EMCN: variants seen among roughly 807,000 people sequenced by gnomAD.
EMCN encodes MUC-14.
Under a neutral mutation model 38.4 loss-of-function variants are expected in EMCN, and 37 were observed. The observed-to-expected ratio is 0.96, with a 90% CI of 0.74 to 1.27. EMCN has a LOEUF of 1.27. Among genes scored for constraint, EMCN ranks in the 50% most tolerant of loss-of-function variants. The probability of loss-of-function intolerance (pLI) is 0.00; values close to 1 mark genes in which losing one functional copy is unlikely to be tolerated. For missense variants in EMCN, 318 were observed against 302.8 expected, an observed-to-expected ratio of 1.05 and a Z score of -0.37; for synonymous variants, 95 against 100.8, an observed-to-expected ratio of 0.94 and a Z score of 0.35.
At chr4:100,511,966 A>G (rs753462606) in intron 1 of EMCN, among the ~76,000 whole-genome samples, 66 of 152,326 alleles carry the variant, frequency 4.3e-4, no homozygotes, top group Non-Finnish European at 6.3e-4. Flanking sequence ...TAGAATGCTA[A>G]TGCTCCTGCA....
chr4:100,408,737 T>C (rs1196050744), intron 11 of EMCN, among the ~76,000 whole-genome samples: 1 of 151,972 alleles, frequency 6.6e-6, no homozygotes, highest in Non-Finnish European at 1.5e-5. Flanking sequence ...TTTTTCTCTC[T>C]CCCCAGCTTG....
chr4:100,491,805 G>A (rs1214132242), intron 1 of EMCN, among the ~76,000 whole-genome samples: 1 of 152,206 alleles, frequency 6.6e-6, no homozygotes, highest in Non-Finnish European at 1.5e-5. Flanking sequence ...AAAGGCAGTA[G>A]GCCAGCTATC....
intron 1 of EMCN, among the ~76,000 whole-genome samples, chr4:100,485,733 C>T (rs547201317): frequency 7.2e-5 from 11 of 152,090 alleles, no homozygotes; most frequent in South Asian, 4.1e-4. Context: ...CATATTAACA[C>T]GGTTGTACAC....
intron 5 of EMCN, among the ~76,000 whole-genome samples, chr4:100,440,812 C>T (rs71614658): frequency 0.091 from 13,835 of 151,884 alleles, 781 homozygotes; most frequent in South Asian, 0.14. Context: ...ATGATCTATC[C>T]GTTGTTAAAA....
intron 5 of EMCN, among the ~76,000 whole-genome samples, chr4:100,441,891 G>T (rs532005069): frequency 2.0e-5 from 3 of 151,972 alleles, no homozygotes; most frequent in African/African-American, 7.3e-5. Flanking sequence ...ACATTTAACC[G>T]TCATGCTAGA....
At chr4:100,420,018 T>C (rs1192109191) in intron 8 of EMCN, among the ~76,000 whole-genome samples, 1 of 152,112 alleles carries the variant, frequency 6.6e-6, no homozygotes, top group Admixed American at 6.6e-5. Context: ...AATAATTGCT[T>C]TTTACCTTCT....
Position 100,513,056 on chromosome 4 carries a change from C to T in EMCN, c.64+4795G>A, listed in dbSNP as rs1340871276. ...AAGCTTTGTGAAACCCTTAAATATT[C>T]ATTTTTTTCTTAGTTGTCTGGATAA... On this transcript the variant is annotated intron_variant, in intron 1 of 11. Transcript: ENST00000296420. Among the ~76,000 whole-genome samples the T allele has an allele frequency of 2.0e-5, 3 of 152,060 alleles. No homozygotes were observed. The East Asian group carries it at 5.8e-4, about 29-fold the overall frequency.
intron 11 of EMCN, among the ~76,000 whole-genome samples, chr4:100,405,217 C>A (rs1314656243): frequency 6.6e-6 from 1 of 152,032 alleles, no homozygotes; most frequent in Non-Finnish European, 1.5e-5. Flanking sequence ...TCTTCTCTTG[C>A]CTGACTGCTC....
intron 3 of EMCN, among the ~76,000 whole-genome samples, chr4:100,474,751 G>T (rs574980502): frequency 2.6e-5 from 4 of 152,232 alleles, no homozygotes; most frequent in East Asian, 3.9e-4. Flanking sequence ...AGACACAAAA[G>T]GTCATATATT....
At chr4:100,422,961 G>A in intron 7 of EMCN, 60 bp downstream of exon 7, 4 of 1,512,294 alleles carry the variant, frequency 2.6e-6, no homozygotes, top group South Asian at 2.3e-5. Context: ...CTCCTTTACT[G>A]GTCACATTCA....
intron 1 of EMCN, among the ~76,000 whole-genome samples, chr4:100,499,970 T>A (rs1274223616): frequency 6.6e-6 from 1 of 152,184 alleles, no homozygotes; most frequent in Non-Finnish European, 1.5e-5. Flanking sequence ...GAGCAATTGA[T>A]AATAGCTAAA....
intron 10 of EMCN, among the ~76,000 whole-genome samples, chr4:100,412,904 T>TG (rs3836626): frequency 0.33 from 50,792 of 151,954 alleles, 12,472 homozygotes; most frequent in East Asian, 0.77. Flanking sequence ...AAGAGGGATT[T>TG]GGGTCAAAGA....
intron 11 of EMCN, among the ~76,000 whole-genome samples, chr4:100,402,771 C>T (rs17030069): frequency 0.085 from 12,964 of 152,140 alleles, 975 homozygotes; most frequent in African/African-American, 0.2. Flanking sequence ...TAAGCTGGTT[C>T]GAAGATCAAC....
rs913057989 is a variant in EMCN at position 100,464,814 on chromosome 4, C to T, written c.376+609G>A. On this transcript the variant is annotated intron_variant, in intron 4 of 11. Transcript: ENST00000296420. ...ATCTATGTCTAAGAGCCATATTGGT[C>T]TATAGTTTTCTTTACTTGCTTTTTC... Among the ~76,000 whole-genome samples the T allele has an allele frequency of 4.6e-5, 7 of 151,902 alleles. 1 individual carries two copies. In the South Asian group the frequency reaches 1.2e-3, roughly 27 times the overall value.
chr4:100,424,027 T>A (rs969299695), intron 5 of EMCN, among the ~76,000 whole-genome samples: 1 of 152,118 alleles, frequency 6.6e-6, no homozygotes, highest in East Asian at 1.9e-4. Context: ...AAGGAAAATA[T>A]AAATTAAAAA....
intron 4 of EMCN, among the ~76,000 whole-genome samples, chr4:100,458,741 TCAAA>T (rs1487541769): frequency 6.6e-6 from 1 of 152,162 alleles, no homozygotes; most frequent in Non-Finnish European, 1.5e-5. Context: ...TGACCTTCAC[TCAAA>T]CAGTTTTCCT....
intron 5 of EMCN, among the ~76,000 whole-genome samples, chr4:100,439,490 C>T (rs570227041): frequency 1.1e-4 from 17 of 150,470 alleles, no homozygotes; most frequent in South Asian, 2.1e-4. Flanking sequence ...TCATTTTTTT[C>T]GCTTTAATTT....
intron 1 of EMCN, among the ~76,000 whole-genome samples, chr4:100,487,754 C>T (rs1728978248): frequency 6.6e-6 from 1 of 152,164 alleles, no homozygotes; most frequent in African/African-American, 2.4e-5. Context: ...TCTCCTTCAC[C>T]TTCCACTGTG....
intron 11 of EMCN, among the ~76,000 whole-genome samples, chr4:100,403,590 A>G (rs1726316105): frequency 6.6e-6 from 1 of 152,020 alleles, no homozygotes; most frequent in Non-Finnish European, 1.5e-5. Context: ...GTCTGTATCT[A>G]GTAATGGGAC....
Sources: gnomAD v4.1 joint callset for allele counts (sites outside exome capture counted in the v4.1 genomes callset) on GRCh38, gnomAD v4.1.1 for gene constraint, MANE v1.5 for transcripts, NCBI Gene and HGNC (gene_info 2026-07-23, HGNC 2026-07-21) for gene names.